The following GALNT13 variants were observed in gnomAD, a reference collection of about 807,000 sequenced individuals.
GALNT13 encodes the protein polypeptide N-acetylgalactosaminyltransferase 13.
GALNT13 carries 28 observed loss-of-function variants against 64.2 expected under a neutral mutation model. That is an observed-to-expected ratio of 0.44 (90% CI 0.32 to 0.60). The LOEUF (loss-of-function observed/expected upper bound fraction) is 0.60. GALNT13 is among the 20% of genes least tolerant of loss of function. GALNT13 has a pLI of 0.05. For missense variants in GALNT13, 577 were observed against 669.8 expected (o/e 0.86, Z 1.53); for synonymous variants, 214 against 224.6 (o/e 0.95, Z 0.42).
At chr2:153,951,571 G>A (rs527650215) in intron 3 of GALNT13, among the ~76,000 whole-genome samples, 1 of 152,178 alleles carries the variant, frequency 6.6e-6, no homozygotes, top group South Asian at 2.1e-4. Flanking sequence ...GGAGTGTCAA[G>A]GTCAAGTCTC....
the GALNT13 span, among the ~76,000 whole-genome samples, chr2:153,405,098 A>C: frequency 6.6e-6 from 1 of 152,164 alleles, no homozygotes; most frequent in African/African-American, 2.4e-5. Context: ...AAGACTGGTA[A>C]GTTTCTCCAG....
intron 3 of GALNT13, among the ~76,000 whole-genome samples, chr2:153,999,521 G>A (rs1257166469): frequency 6.6e-6 from 1 of 151,990 alleles, no homozygotes. Context: ...TTTTTATTAT[G>A]AGGGGATGTT....
chr2:153,256,429 G>A, the GALNT13 span, among the ~76,000 whole-genome samples: 74 of 152,134 alleles, frequency 4.9e-4, no homozygotes, highest in African/African-American at 9.6e-4. Context: ...CCCGTAGCTC[G>A]GAGTAATTTG....
the GALNT13 span, among the ~76,000 whole-genome samples, chr2:153,100,943 C>T: frequency 6.6e-6 from 1 of 152,028 alleles, no homozygotes; most frequent in Admixed American, 6.6e-5. Context: ...CCAGGAAAAT[C>T]GCTGGAACCC....
At chr2:154,192,652 T>G (rs756388475) in intron 4 of GALNT13, among the ~76,000 whole-genome samples, 1 of 152,218 alleles carries the variant, frequency 6.6e-6, no homozygotes, top group Non-Finnish European at 1.5e-5. Context: ...TTAGGTCCAT[T>G]TTTATAGATG....
chr2:153,352,732 G>T, the GALNT13 span, among the ~76,000 whole-genome samples: 1 of 151,902 alleles, frequency 6.6e-6, no homozygotes, highest in Non-Finnish European at 1.5e-5. Flanking sequence ...TCATTGTATT[G>T]CCTTTACTCT....
intron 2 of GALNT13, among the ~76,000 whole-genome samples, chr2:153,903,802 T>C (rs1688388327): frequency 6.6e-6 from 1 of 151,984 alleles, no homozygotes; most frequent in Admixed American, 6.6e-5. Flanking sequence ...TTTTTACGCA[T>C]TAAGGAGACA....
chr2:153,095,609 T>A, the GALNT13 span, among the ~76,000 whole-genome samples: 1 of 152,216 alleles, frequency 6.6e-6, no homozygotes, highest in African/African-American at 2.4e-5. Flanking sequence ...GCAGCACTAT[T>A]CACAATAGCA....
chr2:153,901,440 C>T (rs551199005), intron 2 of GALNT13, among the ~76,000 whole-genome samples: 1 of 152,258 alleles, frequency 6.6e-6, no homozygotes, highest in African/African-American at 2.4e-5. Flanking sequence ...AATCTTGATT[C>T]TTCCTGTCCA....
intron 4 of GALNT13, among the ~76,000 whole-genome samples, chr2:154,157,841 A>G (rs1050978654): frequency 6.6e-6 from 1 of 152,184 alleles, no homozygotes; most frequent in African/African-American, 2.4e-5. Flanking sequence ...GCATAATTTG[A>G]CATGGTTGAT....
intron 4 of GALNT13, among the ~76,000 whole-genome samples, chr2:154,160,088 CT>C (rs1280229771): frequency 1.3e-5 from 2 of 152,168 alleles, no homozygotes; most frequent in African/African-American, 2.4e-5. Flanking sequence ...CCAGACTTCT[CT>C]TCCCAGCCTT....
the GALNT13 span, among the ~76,000 whole-genome samples, chr2:153,299,685 A>G: frequency 8.4e-4 from 128 of 152,246 alleles, no homozygotes; most frequent in Non-Finnish European, 1.6e-3. Flanking sequence ...CACAATCAAT[A>G]CAGATCAGCC....
the GALNT13 span, among the ~76,000 whole-genome samples, chr2:153,352,566 C>T: frequency 6.6e-6 from 1 of 151,212 alleles, no homozygotes; most frequent in East Asian, 2.0e-4. Flanking sequence ...TGTGTGTTAT[C>T]TTCTAGGAGT....
At chr2:154,331,918 C>G (rs767230872) in intron 9 of GALNT13, among the ~76,000 whole-genome samples, 1 of 151,938 alleles carries the variant, frequency 6.6e-6, no homozygotes, top group African/African-American at 2.4e-5. Context: ...AAGCAAATGC[C>G]CAAGGCAGTC....
At chr2:153,094,442 T>C in the GALNT13 span, among the ~76,000 whole-genome samples, 11 of 152,266 alleles carry the variant, frequency 7.2e-5, no homozygotes, top group South Asian at 8.3e-4. Flanking sequence ...GAATCAATAT[T>C]GTGAAAATGG....
chr2:154,446,584 A>T, intron 12 of GALNT13: 1 of 1,544,166 alleles, frequency 6.5e-7, no homozygotes, highest in Non-Finnish European at 8.7e-7. Context: ...ACTCTTCTTC[A>T]TATAATCACC....
intron 4 of GALNT13, among the ~76,000 whole-genome samples, chr2:154,241,252 C>G (rs925971118): frequency 6.6e-6 from 1 of 152,142 alleles, no homozygotes; most frequent in Non-Finnish European, 1.5e-5. Context: ...AACATTTGGG[C>G]AGGAAATGCC....
intron 4 of GALNT13, among the ~76,000 whole-genome samples, chr2:154,142,549 C>CAAAAAA (rs71396392): frequency 6.6e-4 from 44 of 66,220 alleles, no homozygotes; most frequent in Non-Finnish European, 8.3e-4. Flanking sequence ...AACTCTGTCT[C>CAAAAAA]AAAAAAAAAA....
intron 9 of GALNT13, among the ~76,000 whole-genome samples, chr2:154,376,237 AC>A (rs1697985738): frequency 1.3e-5 from 2 of 152,140 alleles, no homozygotes. Flanking sequence ...AAATTGTATT[AC>A]TTTTAATGAG....
Sources: gnomAD v4.1 joint callset for allele counts (sites outside exome capture counted in the v4.1 genomes callset) on GRCh38, gnomAD v4.1.1 for gene constraint, MANE v1.5 for transcripts, NCBI Gene and HGNC (gene_info 2026-07-23, HGNC 2026-07-21) for gene names.